The following TCF25 variants were observed in gnomAD, a reference collection of about 807,000 sequenced individuals.
TCF25 encodes the protein TCF25 ribosome quality control complex subunit.
In TCF25, 41 loss-of-function variants were observed where a neutral mutation model predicts 83.1. The ratio of observed to expected loss-of-function variants is 0.49; its 90% CI spans 0.38 to 0.64. The LOEUF is 0.64. Ranked by LOEUF, TCF25 falls within the 30% of genes least tolerant of loss-of-function variation. The pLI, the probability that TCF25 is intolerant of heterozygous loss-of-function variation, is 0.00. For synonymous variants in TCF25, 458 were observed against 365.0 expected (o/e 1.25, Z -2.90); for missense variants, 979 against 914.5 (o/e 1.07, Z -0.91).
intron 1 of TCF25, among the ~76,000 whole-genome samples, chr16:89,881,008 C>T (rs1303098330): frequency 6.6e-6 from 1 of 152,178 alleles, no homozygotes; most frequent in African/African-American, 2.4e-5. Context: ...GGTGGAGTGT[C>T]AGTGTTTTCA....
At chr16:89,891,825 C>G (rs191594477) in intron 5 of TCF25, among the ~76,000 whole-genome samples, 1 of 152,094 alleles carries the variant, frequency 6.6e-6, no homozygotes, top group African/African-American at 2.4e-5. Context: ...CAGGCCATCA[C>G]GCCAGGCTAA....
In TCF25 at chr16:89,906,279, C is replaced by T. The variant is rs143051938; in HGVS notation, c.1714C>T (p.Pro572Ser). Reference protein sequence around the residue: ...SEIKEAVAALPPDVTTQSVMG... With the variant: ...SEIKEAVAALSPDVTTQSVMG... ...GATCAAGGAAGCCGTCGCTGCCCTG[C>T]CCCCGGTAAGGGAGAAAGGCTGAAA... Residue 572 changes from proline (P) to serine (S), a missense_variant, in exon 15 of 18, where the codon CCC becomes TCC. Physicochemically the swap from Pro to Ser is moderately conservative, Grantham distance 74. Coordinates refer to ENST00000263346, the MANE Select transcript of TCF25 (RefSeq NM_014972.3). The T allele has an allele frequency of 1.2e-6, 2 of 1,612,804 alleles. No homozygotes were observed. Among genetic ancestry groups the T allele is most frequent in the Admixed American group, 1.7e-5 (1 of 59,976 alleles).
At chr16:89,878,431 AC>A (rs1424407895) in intron 1 of TCF25, 1 of 1,041,900 alleles carries the variant, frequency 9.6e-7, no homozygotes. Flanking sequence ...ATTAAAAATC[AC>A]CATTTTTTTT....
Position 89,873,697 on chromosome 16 carries a change from G to T in TCF25, c.30G>T (p.Arg10Ser), listed in dbSNP as rs1269329084. The T allele has an allele frequency of 6.2e-7, 1 of 1,608,964 alleles. No individual in the cohort carries two copies. The highest frequency in any genetic ancestry group is 8.5e-7 in the Non-Finnish European group (1 of 1,178,640). Residue 10 changes from arginine to serine, a missense_variant, in exon 1 of 18, where the codon AGG becomes AGT. Coordinates refer to ENST00000263346, the MANE Select transcript of TCF25 (RefSeq NM_014972.3). MSRRALRRL[R>S]GEQRGQEPLG... is the part of the protein sequence containing the mutation. Reference sequence around the variant, plus strand: ...CGCGCCGGGCCCTCCGGAGGCTGAGGGGGGAACAGCGCGGCCAGGAGCCCC... The same window carrying T: ...CGCGCCGGGCCCTCCGGAGGCTGAGTGGGGAACAGCGCGGCCAGGAGCCCC...
At chr16:89,882,247 G>A (rs1212340020) in intron 1 of TCF25, among the ~76,000 whole-genome samples, 2 of 152,170 alleles carry the variant, frequency 1.3e-5, no homozygotes, top group African/African-American at 4.8e-5. Flanking sequence ...CTATAAAAAG[G>A]TTCCAGACTT....
At chr16:89,875,466 A>C (rs996048928) in intron 1 of TCF25, among the ~76,000 whole-genome samples, 1 of 149,070 alleles carries the variant, frequency 6.7e-6, no homozygotes, top group African/African-American at 2.5e-5. Context: ...TCATTGTTAC[A>C]CATCCATCTC....
At chr16:89,888,875 C>T (rs28428177) in intron 5 of TCF25, among the ~76,000 whole-genome samples, 6,919 of 134,712 alleles carry the variant, frequency 0.051, 424 homozygotes, top group African/African-American at 0.15. Flanking sequence ...TTAGTAGAGA[C>T]GGGGCTTCAC....
intron 8 of TCF25, among the ~76,000 whole-genome samples, chr16:89,895,487 T>A (rs1266407206): frequency 6.6e-6 from 1 of 152,192 alleles, no homozygotes; most frequent in Non-Finnish European, 1.5e-5. Context: ...ATTACAGGCA[T>A]GAGCCACCAC....
chr16:89,880,983 G>A (rs1597271596), intron 1 of TCF25, among the ~76,000 whole-genome samples: 1 of 152,242 alleles, frequency 6.6e-6, no homozygotes, highest in East Asian at 1.9e-4. Context: ...GCTGGGATGG[G>A]ACAAACCTCG....
rs536718042 is a variant in TCF25 at position 89,911,156 on chromosome 16, G to A, written c.1949G>A (p.Arg650His). Residue 650 changes from arginine to histidine, a missense_variant, in exon 18 of 18, where the codon CGC becomes CAC. Coordinates refer to ENST00000263346, the MANE Select transcript of TCF25 (RefSeq NM_014972.3). ...CTGAACAGGCTGATGCTGGCTGTGC[G>A]CGACATGATGGCCAACTTCCACCTC... The part of the protein sequence containing the change: ...QGLNRLMLAV[R>H]DMMANFHLND... The A allele has an allele frequency of 8.7e-6, 14 of 1,612,220 alleles. No individual in the cohort carries two copies. The highest frequency in any genetic ancestry group is 6.7e-5 in the East Asian group (3 of 44,878).
rs1202976239 is a variant in TCF25 at position 89,907,465 on chromosome 16, T to A, written c.1799+143T>A. On this transcript the variant is annotated intron_variant, in intron 16 of 17. Coordinates refer to ENST00000263346, the MANE Select transcript of TCF25 (RefSeq NM_014972.3). Reference sequence around the variant, plus strand: ...TCCCGGCTCCTGGCTCCCACCTCCCTCCTCCCACCTCCCACCTCCCAGCTC... The same window carrying A: ...TCCCGGCTCCTGGCTCCCACCTCCCACCTCCCACCTCCCACCTCCCAGCTC... 66 of 42,266 alleles carry A rather than the reference T, an allele frequency of 1.6e-3. 1 individual carries two copies. Among genetic ancestry groups the A allele is most frequent in the Admixed American group, 5.9e-3 (6 of 1,014 alleles). The allele number at this position is 42,266 out of a possible 1,614,324, so 2.6% of individuals were successfully genotyped here. A position where few individuals can be genotyped will look rare whatever the true frequency, so the allele number is the denominator to read the frequency against.
Position 89,911,145 on chromosome 16 carries a change from G to T in TCF25, c.1938G>T (p.Met646Ile). ...LNRNQGLNRL[M>I]LAVRDMMANF... ...GCAACCAGGGCCTGAACAGGCTGAT[G>T]CTGGCTGTGCGCGACATGATGGCCA... Residue 646 changes from methionine (M) to isoleucine (I), a missense_variant, in exon 18 of 18, where the codon ATG becomes ATT. By Grantham distance (10) the Met-to-Ile change is conservative (BLOSUM62 1). Coordinates refer to ENST00000263346, the MANE Select transcript of TCF25 (RefSeq NM_014972.3). The T allele has an allele frequency of 6.2e-7, 1 of 1,612,124 alleles. No homozygotes were observed. The highest frequency in any genetic ancestry group is 8.5e-7 in the Non-Finnish European group (1 of 1,179,966).
At chr16:89,898,694 G>A (rs555880058) in intron 10 of TCF25, 45 bp downstream of exon 10, 1 of 1,611,982 alleles carries the variant, frequency 6.2e-7, no homozygotes, top group South Asian at 1.1e-5. Context: ...TCCCTGTCCT[G>A]GCTGCAGGCC....
chr16:89,910,530 G>C (rs1282512728), intron 16 of TCF25, 61 bp from the exon 17 acceptor site: 8 of 1,578,336 alleles, frequency 5.1e-6, no homozygotes, highest in African/African-American at 2.7e-5. Flanking sequence ...CCCGTGAGCC[G>C]GGTTGGGTCC....
At chr16:89,882,768 G>C (rs2042705459) in intron 1 of TCF25, among the ~76,000 whole-genome samples, 2 of 152,120 alleles carry the variant, frequency 1.3e-5, no homozygotes, top group South Asian at 4.1e-4. Flanking sequence ...TGTGTTTTTA[G>C]TAGAGACAGG....
intron 5 of TCF25, among the ~76,000 whole-genome samples, chr16:89,891,027 T>A (rs979278709): frequency 2.9e-4 from 44 of 152,224 alleles, no homozygotes; most frequent in African/African-American, 9.9e-4. Flanking sequence ...CAGGCACTGC[T>A]TTCTCTTGGG....
chr16:89,908,823 C>A, intron 16 of TCF25: 1 of 931,266 alleles, frequency 1.1e-6, no homozygotes, highest in Non-Finnish European at 1.4e-6. Context: ...CAGCTCCCAG[C>A]TCCCAGCTCC....
At chr16:89,910,709 C>T (rs2045489228) in intron 17 of TCF25, 46 bp downstream of exon 17, 1 of 1,589,476 alleles carries the variant, frequency 6.3e-7, no homozygotes, top group South Asian at 1.1e-5. Context: ...TGGGTGCGGG[C>T]ATATCCATTC....
intron 17 of TCF25, 85 bp downstream of exon 17, chr16:89,910,748 C>A (rs1188402395): frequency 1.4e-6 from 2 of 1,462,866 alleles, no homozygotes; most frequent in Non-Finnish European, 9.5e-7. Flanking sequence ...CCTCCTTGAA[C>A]CAGGACTGTG....
Sources: allele counts gnomAD v4.1 joint callset (sites outside exome capture counted in the v4.1 genomes callset), GRCh38; gene constraint gnomAD v4.1.1; transcripts MANE v1.5; gene names NCBI Gene and HGNC (gene_info 2026-07-23, HGNC 2026-07-21).